Variants in KDM6A observed in about 807,000 individuals in gnomAD.
The protein encoded by KDM6A is lysine-specific demethylase 6A.
In KDM6A, 11 loss-of-function variants were observed where a neutral mutation model predicts 117.6. The observed-to-expected ratio is 0.09, with a 90% CI of 0.06 to 0.15. The LOEUF (loss-of-function observed/expected upper bound fraction) is 0.15. KDM6A is among the 10% of genes least tolerant of loss of function. The pLI, the probability that KDM6A is intolerant of heterozygous loss-of-function variation, is 1.00. For synonymous variants in KDM6A, 384 were observed against 396.1 expected (o/e 0.97, Z 0.36); for missense variants, 799 against 1,077.3 (o/e 0.74, Z 3.62).
intron 8 of KDM6A, among the ~76,000 whole-genome samples, chrX:45,038,998 C>A (rs1305567437): frequency 9.1e-6 from 1 of 110,282 alleles, no homozygotes; most frequent in African/African-American, 3.3e-5. Flanking sequence ...GAGTTCATAC[C>A]CACCAGATAC....
intron 2 of KDM6A, among the ~76,000 whole-genome samples, chrX:44,913,166 A>G (rs2035318731): frequency 8.9e-6 from 1 of 111,873 alleles, no homozygotes; most frequent in African/African-American, 3.3e-5. Context: ...GAAGACCTTT[A>G]TGGTGATCCA....
intron 4 of KDM6A, among the ~76,000 whole-genome samples, chrX:45,004,248 G>C (rs747986035): frequency 9.0e-6 from 1 of 111,079 alleles, no homozygotes; most frequent in Non-Finnish European, 1.9e-5. Flanking sequence ...TGGTCCTCCA[G>C]ATGGAGACTG....
chrX:45,028,769 T>G (rs756843938), intron 6 of KDM6A, among the ~76,000 whole-genome samples: 12 of 112,527 alleles, frequency 1.1e-4, no homozygotes, highest in African/African-American at 3.9e-4. Context: ...TAATAATGCT[T>G]TCTCTATTTC....
chrX:45,110,696 GGAGTAT>G (rs1386301462), intron 29 of KDM6A, among the ~76,000 whole-genome samples: 3 of 111,672 alleles, frequency 2.7e-5, no homozygotes, highest in African/African-American at 6.5e-5. Context: ...TAACCTCATG[GGAGTAT>G]TTAATGGAGC....
At chrX:44,878,865 G>A (rs2031959139) in intron 2 of KDM6A, among the ~76,000 whole-genome samples, 1 of 110,467 alleles carries the variant, frequency 9.1e-6, no homozygotes, top group African/African-American at 3.3e-5. Flanking sequence ...GGGATTACAG[G>A]TGCCTGCCAC....
chrX:44,963,483 G>GTGTGTGTGTGTGTGTGTGTGTC (rs1481840859), intron 3 of KDM6A, among the ~76,000 whole-genome samples: 1 of 40,884 alleles, frequency 2.4e-5, no homozygotes, highest in African/African-American at 7.6e-5. Flanking sequence ...GTGTGTGTGT[G>GTGTGTGTGTGTGTGTGTGTGTC]TGTCTGTCTG....
At chrX:45,005,373 T>C (rs1198486764) in intron 4 of KDM6A, among the ~76,000 whole-genome samples, 1 of 110,826 alleles carries the variant, frequency 9.0e-6, no homozygotes, top group African/African-American at 3.3e-5. Context: ...CTCTGACTTT[T>C]CATTTTGAGG....
chrX:45,048,172 A>G (rs2043660566), intron 8 of KDM6A, among the ~76,000 whole-genome samples: 1 of 108,175 alleles, frequency 9.2e-6, no homozygotes, highest in African/African-American at 3.4e-5. Context: ...AAAAAAAAAA[A>G]AAAAAAAACT....
chrX:45,037,947 C>T (rs1014220370), intron 8 of KDM6A, among the ~76,000 whole-genome samples: 3 of 111,780 alleles, frequency 2.7e-5, no homozygotes, highest in Non-Finnish European at 5.6e-5. Context: ...TGCGGCTGGG[C>T]GCGGTAGCTC....
chrX:45,059,465 A>G lies in KDM6A; in HGVS notation c.1193A>G (p.Gln398Arg), dbSNP rs748023974. The G allele has an allele frequency of 8.4e-7, 1 of 1,191,394 alleles. No individual in the cohort carries two copies. The change falls in exon 12 of 30, where the codon CAG becomes CGG. Residue 398 changes from glutamine to arginine, a missense_variant and splice_region_variant. Gln to Arg is a conservative substitution (Grantham distance 43, BLOSUM62 1). Coordinates refer to ENST00000611820, the MANE Select transcript of KDM6A (RefSeq NM_001291415.2). Reference sequence around the variant, plus strand: ...CTTGCAGCACGAATTAAGTATTTACAGGTAAAATTTTTAAATGGCAGTTTT... The same window carrying G: ...CTTGCAGCACGAATTAAGTATTTACGGGTAAAATTTTTAAATGGCAGTTTT... ...SALAARIKYL[Q>R]AQLCNLPQGS...
intron 2 of KDM6A, among the ~76,000 whole-genome samples, chrX:44,928,441 C>A (rs2036430455): frequency 9.0e-6 from 1 of 111,453 alleles, no homozygotes; most frequent in East Asian, 2.8e-4. Flanking sequence ...AAACAAACAT[C>A]CGACGATGGG....
At chrX:44,950,103 G>A (rs1387459830) in intron 2 of KDM6A, among the ~76,000 whole-genome samples, 4 of 109,508 alleles carry the variant, frequency 3.7e-5, no homozygotes, top group African/African-American at 1.3e-4. Flanking sequence ...TGCAAGCTCC[G>A]CCTCCCGGGT....
intron 3 of KDM6A, among the ~76,000 whole-genome samples, chrX:44,968,581 C>A (rs2039149469): frequency 8.9e-6 from 1 of 112,666 alleles, no homozygotes; most frequent in Non-Finnish European, 1.9e-5. Flanking sequence ...TGTGATGGAT[C>A]TTAGGAGCAG....
intron 6 of KDM6A, among the ~76,000 whole-genome samples, chrX:45,032,504 C>T (rs1274069236): frequency 9.0e-6 from 1 of 111,646 alleles, no homozygotes; most frequent in Admixed American, 9.5e-5. Flanking sequence ...TCTGTAAGTT[C>T]TTTCATTGTC....
chrX:44,974,786 T>A, intron 4 of KDM6A, 71 bp downstream of exon 4: 1 of 772,273 alleles, frequency 1.3e-6, no homozygotes, highest in Non-Finnish European at 2.0e-6. Flanking sequence ...TACTCAAAAT[T>A]AATTGAGCTC....
At chrX:45,022,861 C>G (rs1270876812) in intron 6 of KDM6A, among the ~76,000 whole-genome samples, 1 of 111,853 alleles carries the variant, frequency 8.9e-6, no homozygotes, top group African/African-American at 3.2e-5. Context: ...TTGGTTGATT[C>G]AGCTGATCTA....
chrX:45,094,448 A>G (rs980396273), intron 27 of KDM6A, among the ~76,000 whole-genome samples: 1 of 111,743 alleles, frequency 8.9e-6, no homozygotes, highest in Non-Finnish European at 1.9e-5. Flanking sequence ...CTCTTGCACC[A>G]TGAGAAAGAT....
chrX:45,081,056 C>T (rs1398380571), intron 21 of KDM6A, among the ~76,000 whole-genome samples: 1 of 111,749 alleles, frequency 8.9e-6, no homozygotes, highest in Non-Finnish European at 1.9e-5. Context: ...CCTCAGCCTC[C>T]CGAGTAGCCG....
Position 45,022,983 on chromosome X carries a change from T to A in KDM6A, c.564+2253T>A, listed in dbSNP as rs779345455. Among the ~76,000 whole-genome samples the A allele has an allele frequency of 4.5e-5, 5 of 112,206 alleles. No homozygotes were observed. In the East Asian group the frequency reaches 1.1e-3, roughly 25 times the overall value. On this transcript the variant is annotated intron_variant, in intron 6 of 29. Coordinates refer to ENST00000611820, the MANE Select transcript of KDM6A (RefSeq NM_001291415.2). The stretch of plus-strand genomic sequence containing the variant: ...ATAAGTGCATAGTAAATGATGATGA[T>A]CATTTCATGTAGGAGAAAGATCCTG...
Sources: allele counts gnomAD v4.1 joint callset (sites outside exome capture counted in the v4.1 genomes callset), GRCh38; gene constraint gnomAD v4.1.1; transcripts MANE v1.5; gene names NCBI Gene and HGNC (gene_info 2026-07-23, HGNC 2026-07-21).